Variants in AGO3 observed in about 807,000 individuals in gnomAD.
The protein encoded by AGO3 is protein argonaute-3.
Under a neutral mutation model 105.5 loss-of-function variants are expected in AGO3, and 16 were observed. That is an observed-to-expected ratio of 0.15 (90% CI 0.10 to 0.23). The LOEUF (loss-of-function observed/expected upper bound fraction) is 0.23. AGO3 is among the 10% of genes least tolerant of loss of function. AGO3 has a pLI of 1.00. For missense variants in AGO3, 534 were observed against 1,088.0 expected, an observed-to-expected ratio of 0.49 and a Z score of 7.16; for synonymous variants, 340 against 367.3, an observed-to-expected ratio of 0.93 and a Z score of 0.85.
At position 36,059,979 on chromosome 1, in the gene AGO3, C is replaced by A. The variant is rs957444383; in HGVS notation, c.*4234C>A. The A allele has an allele frequency of 1.3e-5, 2 of 152,138 alleles. No individual in the cohort carries two copies. The highest frequency in any genetic ancestry group is 4.8e-5 in the African/African-American group (2 of 41,420). 9.4% of individuals were successfully genotyped at this position (152,138 alleles called of 1,614,324 possible). On this transcript the variant is annotated 3_prime_UTR_variant, in exon 19 of 19. Coordinates refer to ENST00000373191, the MANE Select transcript of AGO3 (RefSeq NM_024852.4). ...TCAACAGAAATATTAGATTCCCTTT[C>A]TTTTTCTTAATAGTGATCTTCTAAC...
intron 2 of AGO3, among the ~76,000 whole-genome samples, chr1:35,952,700 A>T (rs1041781528): frequency 6.6e-6 from 1 of 152,196 alleles, no homozygotes; most frequent in Admixed American, 6.5e-5. Context: ...CAGTATAGTA[A>T]TGTGATGTAC....
intron 1 of AGO3, among the ~76,000 whole-genome samples, chr1:35,943,405 A>T (rs1646294048): frequency 6.8e-6 from 1 of 146,238 alleles, no homozygotes; most frequent in African/African-American, 2.5e-5. Context: ...AGGTTCAAGC[A>T]GTTCTGTCAT....
At chr1:35,958,853 T>G (rs535086969) in intron 2 of AGO3, among the ~76,000 whole-genome samples, 1 of 152,330 alleles carries the variant, frequency 6.6e-6, no homozygotes, top group South Asian at 2.1e-4. Context: ...AACCTCTGGA[T>G]GATTTTGACA....
Position 36,066,158 on chromosome 1 carries a change from TTTA to T in AGO3, c.*10416_*10418del, listed in dbSNP as rs1643089033. 1.3e-5 allele frequency: 2 copies of T among 152,204 alleles called. No individual in the cohort carries two copies. The highest frequency in any genetic ancestry group is 4.8e-5 in the African/African-American group (2 of 41,426). The allele number at this position is 152,204 out of a possible 1,614,324, so 9.4% of individuals were successfully genotyped here. The stretch of plus-strand genomic sequence containing the variant: ...GTCATTAGAGCCTTGCTTTTTAAAT[TTTA>T]TTCTTTCCAAAAATTGGCGGTATGC... On this transcript the variant is annotated 3_prime_UTR_variant, in exon 19 of 19. Coordinates refer to ENST00000373191, the MANE Select transcript of AGO3 (RefSeq NM_024852.4).
rs149225833 is a variant in AGO3, at chr1:36,013,667, A to G, written c.1187A>G (p.Gln396Arg). ...AATTATGAAACAGATCCATTTGTTCAGGAGTTTCAATTTAAAGTTCGGGAT... is the reference window on the plus strand; with the variant it reads ...AATTATGAAACAGATCCATTTGTTCGGGAGTTTCAATTTAAAGTTCGGGAT... ...SANYETDPFV[Q>R]EFQFKVRDEM... Residue 396 changes from glutamine (Q) to arginine (R), a missense_variant, in exon 10 of 19, where the codon CAG becomes CGG. Gln to Arg is a conservative substitution (Grantham distance 43, BLOSUM62 1). Coordinates refer to ENST00000373191, the MANE Select transcript of AGO3 (RefSeq NM_024852.4). 9 of 1,614,082 alleles carry G rather than the reference A, an allele frequency of 5.6e-6. No homozygotes were observed. Among genetic ancestry groups the G allele is most frequent in the South Asian group, 1.1e-5 (1 of 91,086 alleles).
chr1:35,939,742 T>G (rs1283310651), intron 1 of AGO3, among the ~76,000 whole-genome samples: 1 of 152,168 alleles, frequency 6.6e-6, no homozygotes, highest in Non-Finnish European at 1.5e-5. Flanking sequence ...CATTTCTCTC[T>G]TTTTTATGAT....
At chr1:36,003,709 A>AAAAAAAAATATATATATATATAT (rs1295618675) in intron 5 of AGO3, among the ~76,000 whole-genome samples, 1 of 99,442 alleles carries the variant, frequency 1.0e-5, no homozygotes, top group Admixed American at 1.1e-4. Context: ...AAAAAAAAAA[A>AAAAAAAAATATATATATATATAT]ATATATATAT....
intron 5 of AGO3, among the ~76,000 whole-genome samples, chr1:35,991,778 G>A (rs1477468366): frequency 6.6e-6 from 1 of 152,000 alleles, no homozygotes; most frequent in African/African-American, 2.4e-5. Flanking sequence ...CACAGATGCA[G>A]TATCCTCTCT....
In AGO3 at chr1:36,060,122, G is replaced by C. The variant is rs938150602; in HGVS notation, c.*4377G>C. ...CTAGTAGGAATTACTGAGTGTTTTG[G>C]AAGGCACTTGATAGAGGCATCTCTG... On this transcript the variant is annotated 3_prime_UTR_variant, in exon 19 of 19. Transcript: ENST00000373191. 6.6e-6 allele frequency: 1 copy of C among 152,134 alleles called. No individual in the cohort carries two copies. The highest frequency in any genetic ancestry group is 1.5e-5 in the Non-Finnish European group (1 of 68,036). 9.4% of individuals were successfully genotyped at this position (152,134 alleles called of 1,614,324 possible).
chr1:35,970,481 G>T (rs1646845506), intron 3 of AGO3, among the ~76,000 whole-genome samples: 1 of 152,040 alleles, frequency 6.6e-6, no homozygotes, highest in Non-Finnish European at 1.5e-5. Context: ...ATATAAAATA[G>T]TTTGTGAGAA....
intron 1 of AGO3, among the ~76,000 whole-genome samples, chr1:35,943,023 G>A (rs1447923988): frequency 6.6e-6 from 1 of 150,542 alleles, no homozygotes; most frequent in Non-Finnish European, 1.5e-5. Context: ...TTTTTTTTGA[G>A]ACGGAGTCTC....
intron 11 of AGO3, 56 bp downstream of exon 11, chr1:36,014,104 A>T (rs1640755601): frequency 6.2e-7 from 1 of 1,607,088 alleles, no homozygotes; most frequent in Admixed American, 1.7e-5. Flanking sequence ...ACTTTAAATT[A>T]CTCATCTAAT....
At chr1:36,020,684 C>T (rs550222219) in intron 11 of AGO3, among the ~76,000 whole-genome samples, 2 of 152,230 alleles carry the variant, frequency 1.3e-5, no homozygotes, top group South Asian at 2.1e-4. Flanking sequence ...GGTGCTATCT[C>T]GGCTCACTGC....
At chr1:35,934,325 A>G (rs1382261099) in intron 1 of AGO3, among the ~76,000 whole-genome samples, 1 of 152,230 alleles carries the variant, frequency 6.6e-6, no homozygotes, top group Non-Finnish European at 1.5e-5. Context: ...CCTTAAATTA[A>G]TGACATGCAA....
chr1:36,055,523 C>A lies in AGO3; in HGVS notation c.2475-114C>A, dbSNP rs924523750. 45 of 970,012 alleles carry A rather than the reference C, an allele frequency of 4.6e-5. 1 individual carries two copies. The Middle Eastern group carries it at 1.8e-3, about 38-fold the overall frequency. The allele number at this position is 970,012 out of a possible 1,614,324, so 60.1% of individuals were successfully genotyped here. A position where few individuals can be genotyped will look rare whatever the true frequency, so the allele number is the denominator to read the frequency against. On this transcript the variant is annotated intron_variant, in intron 18 of 18. Transcript: ENST00000373191. This position sits in a 1 kb window ranked among gnomAD's most constrained non-coding sequence, Gnocchi z 4.4. Reference sequence around the variant, plus strand: ...AGTGATGGACACATAGATTGTTACACCAGTCTCTTATTTGTTAATAATTTT... The same window carrying A: ...AGTGATGGACACATAGATTGTTACAACAGTCTCTTATTTGTTAATAATTTT...
rs1453455939 is a variant in AGO3 at position 35,931,125 on chromosome 1, C to T, written c.-302C>T. On this transcript the variant is annotated 5_prime_UTR_variant, in exon 1 of 19. Transcript: ENST00000373191. ...CGGGCAGGTCGGCGGCGGCGGCCCGCAGTCGTGGAGGAGCGGTGGGAGCGT... is the reference window on the plus strand; with the variant it reads ...CGGGCAGGTCGGCGGCGGCGGCCCGTAGTCGTGGAGGAGCGGTGGGAGCGT... The T allele has an allele frequency of 5.0e-6, 2 of 396,514 alleles. No individual in the cohort carries two copies. Among genetic ancestry groups the T allele is most frequent in the East Asian group, 3.6e-5 (1 of 27,980 alleles). 24.6% of individuals were successfully genotyped at this position (396,514 alleles called of 1,614,324 possible). A position where few individuals can be genotyped will look rare whatever the true frequency, so the allele number is the denominator to read the frequency against.
intron 5 of AGO3, among the ~76,000 whole-genome samples, chr1:36,001,719 T>G (rs969123538): frequency 5.3e-5 from 8 of 152,214 alleles, no homozygotes; most frequent in African/African-American, 1.9e-4. Context: ...TTTTTATCTT[T>G]GTAAATTAGT....
intron 6 of AGO3, among the ~76,000 whole-genome samples, chr1:36,004,993 T>C (rs1418907659): frequency 2.6e-5 from 4 of 152,172 alleles, no homozygotes; most frequent in Non-Finnish European, 5.9e-5. Flanking sequence ...ATCTTATCTA[T>C]TATACTTAGT....
chr1:35,988,366 A>G (rs1295504707), intron 5 of AGO3, among the ~76,000 whole-genome samples: 1 of 152,206 alleles, frequency 6.6e-6, no homozygotes. Context: ...GTCACCATGC[A>G]GTACATTAGG....
Sources: gnomAD v4.1 joint callset for allele counts (sites outside exome capture counted in the v4.1 genomes callset) on GRCh38, gnomAD v4.1.1 for gene constraint, Gnocchi (gnomAD v3.1) non-coding constraint, MANE v1.5 for transcripts, NCBI Gene and HGNC (gene_info 2026-07-23, HGNC 2026-07-21) for gene names.